The following ASTN2 variants were observed in gnomAD, a reference collection of about 807,000 sequenced individuals.
The protein encoded by ASTN2 is astrotactin-2.
A neutral mutation model predicts 139.8 loss-of-function variants in ASTN2; 54 were observed. That is an observed-to-expected ratio of 0.39 (90% CI 0.31 to 0.48). ASTN2 has a LOEUF of 0.48. ASTN2 is among the 20% of genes least tolerant of loss of function. The probability of loss-of-function intolerance (pLI) is 0.95; values close to 1 mark genes in which losing one functional copy is unlikely to be tolerated. For synonymous variants in ASTN2, 756 were observed against 719.5 expected (o/e 1.05, Z -0.81); for missense variants, 1,565 against 1,725.1 (o/e 0.91, Z 1.64).
chr9:116,723,058 C>A (rs10983324), intron 16 of ASTN2, among the ~76,000 whole-genome samples: 59,006 of 151,620 alleles, frequency 0.39, 12,610 homozygotes, highest in African/African-American at 0.57. Flanking sequence ...CCAGCTACTC[C>A]GGGGACTGAG....
intron 1 of ASTN2, among the ~76,000 whole-genome samples, chr9:117,337,643 T>G (rs962714906): frequency 2.0e-5 from 3 of 152,182 alleles, no homozygotes; most frequent in African/African-American, 4.8e-5. Context: ...TATGTTTGAA[T>G]TTTTACTGCT....
chr9:117,099,564 C>T (rs1035795447), intron 4 of ASTN2, among the ~76,000 whole-genome samples: 5 of 152,210 alleles, frequency 3.3e-5, no homozygotes, highest in African/African-American at 1.2e-4. Context: ...AGTATCTCTT[C>T]CAGGCACTAT....
At position 116,868,194 on chromosome 9, in the gene ASTN2, A is replaced by G. The variant is rs183053154; in HGVS notation, c.1890-4461T>C. 3.6e-3 allele frequency among the ~76,000 whole-genome samples: 554 copies of G among 152,304 alleles called. 4 individuals carry two copies. In the Middle Eastern group the frequency reaches 0.041, roughly 11 times the overall value. On this transcript the variant is annotated intron_variant, in intron 10 of 22. Transcript: ENST00000313400. ...CCTGGGCACCTGCTATGTGTTAAGC[A>G]TGGTGCAAGGTTCCCTTCCTGTAAT...
chr9:116,750,543 A>ACTCTCTCT lies in ASTN2; in HGVS notation c.2397-17028_2397-17021dup, dbSNP rs71379224. On this transcript the variant is annotated intron_variant, in intron 13 of 22. Coordinates refer to ENST00000313400, the MANE Select transcript of ASTN2 (RefSeq NM_001365068.1). The stretch of plus-strand genomic sequence containing the variant: ...TCTAATAGCAATTGTTTCCTTGTTC[A>ACTCTCTCT]CTCTCTCTCTCTCTCTTTCTTCTCT... Among the ~76,000 whole-genome samples the ACTCTCTCT allele has an allele frequency of 2.7e-4, 41 of 150,652 alleles. 1 individual carries two copies. In the South Asian group the frequency reaches 7.8e-3, roughly 29 times the overall value.
intron 17 of ASTN2, among the ~76,000 whole-genome samples, chr9:116,647,872 A>G (rs1857681145): frequency 6.6e-6 from 1 of 152,176 alleles, no homozygotes; most frequent in South Asian, 2.1e-4. Context: ...AAGTGCAGTG[A>G]CACAATCACA....
chr9:116,827,869 ATTCT>A (rs1483166592), intron 11 of ASTN2, among the ~76,000 whole-genome samples: 1 of 152,220 alleles, frequency 6.6e-6, no homozygotes, highest in Non-Finnish European at 1.5e-5. Flanking sequence ...GGAAGAGGAA[ATTCT>A]TTCTAACTCA....
intron 2 of ASTN2, among the ~76,000 whole-genome samples, chr9:117,226,335 T>C (rs7029473): frequency 0.3 from 45,324 of 152,058 alleles, 8,130 homozygotes; most frequent in Middle Eastern, 0.43. Context: ...ATTTCTCTGA[T>C]CCTCATCTTT....
intron 5 of ASTN2, among the ~76,000 whole-genome samples, chr9:117,054,294 G>A (rs1838996136): frequency 6.6e-6 from 1 of 152,204 alleles, no homozygotes; most frequent in Admixed American, 6.5e-5. Context: ...GGAGTCTGAA[G>A]CCCAAACTTG....
chr9:117,387,654 C>T (rs752061845), intron 1 of ASTN2, among the ~76,000 whole-genome samples: 2 of 152,060 alleles, frequency 1.3e-5, no homozygotes, highest in Admixed American at 6.5e-5. Context: ...TGGCAGGATA[C>T]GAGGCTGGAG....
intron 3 of ASTN2, among the ~76,000 whole-genome samples, chr9:117,200,540 A>T (rs1423398703): frequency 1.3e-5 from 2 of 152,174 alleles, no homozygotes; most frequent in African/African-American, 4.8e-5. Flanking sequence ...TGTTCCATCA[A>T]TATCTAGTTT....
At chr9:116,909,181 G>T (rs992669632) in intron 10 of ASTN2, among the ~76,000 whole-genome samples, 2 of 152,196 alleles carry the variant, frequency 1.3e-5, no homozygotes, top group African/African-American at 4.8e-5. Flanking sequence ...GTGCAGAGGT[G>T]GAGAATGGAT....
chr9:116,814,809 G>A (rs1271107232), intron 12 of ASTN2, among the ~76,000 whole-genome samples: 1 of 152,118 alleles, frequency 6.6e-6, no homozygotes, highest in Non-Finnish European at 1.5e-5. Flanking sequence ...ATATTTGAAT[G>A]TCTCATGGAA....
At chr9:116,580,969 A>T (rs548964431) in intron 19 of ASTN2, among the ~76,000 whole-genome samples, 3 of 150,618 alleles carry the variant, frequency 2.0e-5, no homozygotes, top group Admixed American at 6.6e-5. Context: ...CAACAAAAAA[A>T]ATCCTTCTAA....
chr9:116,634,522 G>A (rs1360735604), intron 17 of ASTN2, among the ~76,000 whole-genome samples: 11 of 148,572 alleles, frequency 7.4e-5, no homozygotes, highest in African/African-American at 2.7e-4. Context: ...CCCGGGAGGC[G>A]GAGCTTGCAG....
chr9:117,053,398 G>A lies in ASTN2; in HGVS notation c.1277-13433C>T, dbSNP rs181628079. On this transcript the variant is annotated intron_variant, in intron 5 of 22. Transcript: ENST00000313400. ...GCCCAGGAGTTTGAGGCTGCAGTAC[G>A]CTATGATCGTGCCACTGTACTCCAG... is the stretch of plus-strand genomic sequence containing the variant. Among the ~76,000 whole-genome samples, 30 of 152,228 alleles carry A rather than the reference G, an allele frequency of 2.0e-4. 1 individual carries two copies. In the East Asian group the frequency reaches 5.6e-3, roughly 28 times the overall value.
intron 16 of ASTN2, among the ~76,000 whole-genome samples, chr9:116,658,613 C>T (rs1019211328): frequency 5.3e-5 from 8 of 152,038 alleles, no homozygotes; most frequent in Non-Finnish European, 7.4e-5. Flanking sequence ...CGCTGAAAAG[C>T]CCCTGAACAA....
intron 17 of ASTN2, 132 bp downstream of exon 17, chr9:116,651,396 A>C (rs1027042935): frequency 8.6e-6 from 9 of 1,051,270 alleles, no homozygotes; most frequent in African/African-American, 1.6e-5. Context: ...GGAATCAATA[A>C]ATGCTAGTAA....
At chr9:116,735,015 T>C (rs1471693368) in intron 13 of ASTN2, among the ~76,000 whole-genome samples, 1 of 152,212 alleles carries the variant, frequency 6.6e-6, no homozygotes, top group Non-Finnish European at 1.5e-5. Flanking sequence ...TATCACTTAA[T>C]CTTCACAGCA....
chr9:116,468,404 G>A (rs1848715279), intron 20 of ASTN2, among the ~76,000 whole-genome samples: 1 of 152,048 alleles, frequency 6.6e-6, no homozygotes, highest in Non-Finnish European at 1.5e-5. Context: ...CTCTACCTTG[G>A]GCCCACCTAA....
Sources: gnomAD v4.1 joint callset for allele counts (sites outside exome capture counted in the v4.1 genomes callset) on GRCh38, gnomAD v4.1.1 for gene constraint, MANE v1.5 for transcripts, NCBI Gene and HGNC (gene_info 2026-07-23, HGNC 2026-07-21) for gene names.